PDE2A: variants seen among roughly 807,000 people sequenced by gnomAD.
The protein encoded by PDE2A is phosphodiesterase 2A, also known as cGMP-dependent 3',5'-cyclic phosphodiesterase.
PDE2A carries 53 observed loss-of-function variants against 133.6 expected under a neutral mutation model. That is an observed-to-expected ratio of 0.40 (90% CI 0.32 to 0.50). The LOEUF is 0.50. Among genes scored for constraint, PDE2A ranks in the 20% least tolerant of loss-of-function variants. PDE2A has a pLI of 0.73. For missense variants in PDE2A, 796 were observed against 1,232.4 expected (o/e 0.65, Z 5.30); for synonymous variants, 491 against 490.2 (o/e 1.00, Z -0.02).
At chr11:72,587,481 G>T (rs1413294992) in intron 13 of PDE2A, among the ~76,000 whole-genome samples, 1 of 152,148 alleles carries the variant, frequency 6.6e-6, no homozygotes, top group Non-Finnish European at 1.5e-5. Flanking sequence ...CCTCAAAGCT[G>T]CCACCAAGGC....
chr11:72,661,009 T>C (rs1042640766), intron 1 of PDE2A, among the ~76,000 whole-genome samples: 3 of 152,016 alleles, frequency 2.0e-5, no homozygotes, highest in African/African-American at 7.3e-5. Flanking sequence ...TCTGTGGGTT[T>C]CAATGTCTTC....
chr11:72,582,647 G>A, intron 20 of PDE2A, 81 bp from the exon 21 acceptor site: 2 of 1,407,928 alleles, frequency 1.4e-6, no homozygotes, highest in South Asian at 1.3e-5. Flanking sequence ...ATGGCAGGTG[G>A]GGGATCCGTC....
At position 72,591,406 on chromosome 11, in the gene PDE2A, C is replaced by A. The variant is rs369507166; in HGVS notation, c.490-50G>T. ...AGCTGTGACCTCTCTCAGTGTCTGT[C>A]TCTGCCAGAGTGCCCTCCCCATGCG... is the stretch of plus-strand genomic sequence containing the variant. On this transcript the variant is annotated intron_variant, in intron 6 of 30. Coordinates refer to ENST00000334456, the MANE Select transcript of PDE2A (RefSeq NM_002599.5). 9.9e-5 allele frequency: 148 copies of A among 1,488,060 alleles called. 1 individual carries two copies. Among genetic ancestry groups the A allele is most frequent in the Middle Eastern group, 8.6e-4 (5 of 5,804 alleles). 92.2% of individuals were successfully genotyped at this position (1,488,060 alleles called of 1,614,324 possible). A position where few individuals can be genotyped will look rare whatever the true frequency, so the allele number is the denominator to read the frequency against.
intron 2 of PDE2A, among the ~76,000 whole-genome samples, chr11:72,631,765 C>T (rs1858396513): frequency 6.6e-6 from 1 of 152,184 alleles, no homozygotes; most frequent in Non-Finnish European, 1.5e-5. Flanking sequence ...CCTGGAGACA[C>T]AACAGAGACC....
intron 2 of PDE2A, among the ~76,000 whole-genome samples, chr11:72,617,469 G>T (rs192474051): frequency 1.3e-5 from 2 of 152,288 alleles, no homozygotes; most frequent in Non-Finnish European, 2.9e-5. Flanking sequence ...CTCCCTGGGC[G>T]CTCTCTCTGT....
chr11:72,598,204 C>A (rs1162905113), intron 4 of PDE2A, among the ~76,000 whole-genome samples: 1 of 152,200 alleles, frequency 6.6e-6, no homozygotes, highest in Admixed American at 6.5e-5. Context: ...GAAGCTATGG[C>A]ACCAAGAGGC....
At chr11:72,582,749 C>A (rs538629260) in intron 20 of PDE2A, among the ~76,000 whole-genome samples, 183 bp from the exon 21 acceptor site, 1 of 152,172 alleles carries the variant, frequency 6.6e-6, no homozygotes, top group Non-Finnish European at 1.5e-5. Flanking sequence ...CAGCCCACCC[C>A]GCGCGCCTCC....
chr11:72,582,614 G>T, intron 20 of PDE2A, 48 bp from the exon 21 acceptor site: 2 of 1,558,708 alleles, frequency 1.3e-6, no homozygotes, highest in South Asian at 2.4e-5. Context: ...CACCCCATCT[G>T]GTGTCTTCAC....
intron 6 of PDE2A, among the ~76,000 whole-genome samples, chr11:72,592,377 C>T (rs1322499561): frequency 6.6e-6 from 1 of 152,192 alleles, no homozygotes; most frequent in Non-Finnish European, 1.5e-5. Context: ...GGGTCTCCTG[C>T]CAGGAGCAGA....
At chr11:72,596,267 G>C (rs868686170) in intron 6 of PDE2A, among the ~76,000 whole-genome samples, 1 of 152,014 alleles carries the variant, frequency 6.6e-6, no homozygotes. Context: ...CCAAAGGCTG[G>C]GCCTTCTAAC....
rs771823432 is a variant in PDE2A at position 72,582,560 on chromosome 11, C to G, written c.1735G>C (p.Asp579His). 6.2e-7 allele frequency: 1 copy of G among 1,612,330 alleles called. No homozygotes were observed. Among genetic ancestry groups the G allele is most frequent in the Admixed American group, 1.7e-5 (1 of 59,902 alleles). Residue 579 changes from aspartate (D) to histidine (H), a missense_variant, in exon 21 of 31, where the codon GAT (aspartate) becomes CAT (histidine). Coordinates refer to ENST00000334456, the MANE Select transcript of PDE2A (RefSeq NM_002599.5). ...EMMMYHMKVS[D>H]DEYTKLLHDG... ...TGGAGAAGTTTGGTATACTCATCAT[C>G]GGAGACCTAGAGGAGACCAGCCAGA... is the stretch of plus-strand genomic sequence containing the variant.
At chr11:72,593,238 C>G (rs936315611) in intron 6 of PDE2A, among the ~76,000 whole-genome samples, 4 of 151,802 alleles carry the variant, frequency 2.6e-5, no homozygotes, top group Admixed American at 2.0e-4. Flanking sequence ...ACACACCCAC[C>G]CTTACAGTGT....
intron 4 of PDE2A, among the ~76,000 whole-genome samples, chr11:72,601,581 G>A (rs1384605501): frequency 6.6e-6 from 1 of 152,128 alleles, no homozygotes; most frequent in Admixed American, 6.5e-5. Context: ...GGCCGAGGTG[G>A]GCGGTGGGTG....
intron 1 of PDE2A, among the ~76,000 whole-genome samples, chr11:72,660,702 T>C (rs1855028446): frequency 6.6e-6 from 1 of 152,066 alleles, no homozygotes; most frequent in Non-Finnish European, 1.5e-5. Context: ...CCCAAGCACG[T>C]CCCTCCACTA....
At chr11:72,577,642 T>C (rs914364100) in intron 30 of PDE2A, 48 bp from the exon 31 acceptor site, 6 of 1,373,910 alleles carry the variant, frequency 4.4e-6, no homozygotes, top group East Asian at 2.3e-5. Context: ...AATCAGACCA[T>C]GGGCAGCAAG....
rs145524236 is a variant in PDE2A at position 72,597,607 on chromosome 11, G to A, written c.336C>T (p.Ile112=). The part of the protein sequence containing the change: ...PQEGKVREAI[I]SQKRLGCNGL... ...CATTGCAGCCCAGCCGCTTCTGGGAGATGATAGCCTCCCTGAAAAGAGGAC... is the reference window on the plus strand; with the variant it reads ...CATTGCAGCCCAGCCGCTTCTGGGAAATGATAGCCTCCCTGAAAAGAGGAC... Residue 112 remains isoleucine, a synonymous_variant, in exon 5 of 31, where the codon ATC becomes ATT. Coordinates refer to ENST00000334456, the MANE Select transcript of PDE2A (RefSeq NM_002599.5). The surrounding 1 kb of genome is among the most constrained non-coding windows in gnomAD (Gnocchi z 4.6). The A allele has an allele frequency of 5.8e-3, 9,346 of 1,611,528 alleles. 149 individuals carry two copies. Among genetic ancestry groups the A allele is most frequent in the South Asian group, 0.039 (3,567 of 90,902 alleles).
At chr11:72,629,664 C>A (rs921447162) in intron 2 of PDE2A, among the ~76,000 whole-genome samples, 1 of 152,350 alleles carries the variant, frequency 6.6e-6, no homozygotes, top group Admixed American at 6.5e-5. Flanking sequence ...CTGTGCTGAG[C>A]CCCTCCTGTG....
chr11:72,661,960 G>A (rs948148044), intron 1 of PDE2A, among the ~76,000 whole-genome samples: 1 of 152,212 alleles, frequency 6.6e-6, no homozygotes, highest in Non-Finnish European at 1.5e-5. Context: ...TGTGTGTACT[G>A]TGGGTCTCTG....
At chr11:72,668,375 G>A (rs757278241) in intron 1 of PDE2A, 2 of 718,670 alleles carry the variant, frequency 2.8e-6, no homozygotes, top group Non-Finnish European at 5.2e-6. Context: ...TTTGTGGTGA[G>A]GATTAAATGA....
Sources: gnomAD v4.1 joint callset for allele counts (sites outside exome capture counted in the v4.1 genomes callset) on GRCh38, gnomAD v4.1.1 for gene constraint, Gnocchi (gnomAD v3.1) non-coding constraint, MANE v1.5 for transcripts, NCBI Gene and HGNC (gene_info 2026-07-23, HGNC 2026-07-21) for gene names.